The following TIAM1 variants were observed in gnomAD, a reference collection of about 807,000 sequenced individuals.
TIAM1 encodes the protein TIAM Rac1 associated GEF 1.
In TIAM1, 65 loss-of-function variants were observed where a neutral mutation model predicts 163.5. That is an observed-to-expected ratio of 0.40 (90% CI 0.33 to 0.49). TIAM1 has a LOEUF of 0.49. Ranked by LOEUF, TIAM1 falls within the 20% of genes least tolerant of loss-of-function variation. TIAM1 has a pLI of 0.77. For missense variants in TIAM1, 1,789 were observed against 2,044.7 expected, an observed-to-expected ratio of 0.87 and a Z score of 2.41; for synonymous variants, 833 against 810.1, an observed-to-expected ratio of 1.03 and a Z score of -0.48.
intron 2 of TIAM1, among the ~76,000 whole-genome samples, chr21:31,353,891 T>C (rs1377991929): frequency 7.9e-6 from 1 of 125,944 alleles, no homozygotes; most frequent in Non-Finnish European, 1.6e-5. Context: ...CAGGCTGGAG[T>C]GCAGTGGAGT....
intron 2 of TIAM1, among the ~76,000 whole-genome samples, chr21:31,305,255 T>C (rs1476625809): frequency 6.6e-6 from 1 of 152,210 alleles, no homozygotes; most frequent in African/African-American, 2.4e-5. Context: ...TTTTCACTGA[T>C]TACTTTCAAT....
intron 12 of TIAM1, among the ~76,000 whole-genome samples, chr21:31,198,247 T>C (rs1381980605): frequency 6.6e-6 from 1 of 152,194 alleles, no homozygotes; most frequent in African/African-American, 2.4e-5. Context: ...TCTCTTTATT[T>C]GCTTGGGGCA....
intron 15 of TIAM1, among the ~76,000 whole-genome samples, chr21:31,177,141 G>A (rs1057026787): frequency 6.6e-6 from 1 of 152,182 alleles, no homozygotes; most frequent in African/African-American, 2.4e-5. Context: ...CATTTATTGA[G>A]CGCTTACTGG....
chr21:31,252,738 C>T (rs2071881463), intron 4 of TIAM1, among the ~76,000 whole-genome samples: 1 of 152,206 alleles, frequency 6.6e-6, no homozygotes, highest in Admixed American at 6.5e-5. Context: ...AGTGCACCGC[C>T]TCACCCACTC....
intron 10 of TIAM1, chr21:31,213,081 G>A (rs2086971758): frequency 7.4e-6 from 2 of 271,728 alleles, no homozygotes; most frequent in Non-Finnish European, 1.4e-5. Context: ...GTTGTACATG[G>A]AAAGAAATTG....
rs549951464 is a variant in TIAM1 at position 31,120,469 on chromosome 21, G to A, written c.4675C>T (p.Leu1559=). ...TCCAGGCCTCCATTGATCCCCGACA[G>A]GGCAGCTTGCTTCTTGAGCTGTGCC... ...RMAQLKKQAA[L]SGINGGLESA... The change falls in exon 28 of 28, where the codon CTG becomes TTG. Residue 1559 remains leucine, a synonymous_variant. Transcript: ENST00000541036. This position sits in a 1 kb window ranked among gnomAD's most constrained non-coding sequence, Gnocchi z 4.2. 7.8e-5 allele frequency: 126 copies of A among 1,614,210 alleles called. No individual in the cohort carries two copies. The South Asian group carries it at 1.3e-3, about 17-fold the overall frequency.
intron 1 of TIAM1, among the ~76,000 whole-genome samples, chr21:31,533,236 G>A (rs577488399): frequency 8.5e-5 from 13 of 152,122 alleles, no homozygotes; most frequent in African/African-American, 2.9e-4. Flanking sequence ...CAGGAGAATC[G>A]CTTGAACATG....
chr21:31,307,017 C>T (rs912802000), intron 2 of TIAM1, among the ~76,000 whole-genome samples: 4 of 149,148 alleles, frequency 2.7e-5, no homozygotes, highest in South Asian at 2.1e-4. Flanking sequence ...TGCATTGCAT[C>T]GCCAACTTTT....
At chr21:31,175,622 G>A (rs1348490629) in intron 15 of TIAM1, among the ~76,000 whole-genome samples, 2 of 151,396 alleles carry the variant, frequency 1.3e-5, no homozygotes, top group Non-Finnish European at 2.9e-5. Flanking sequence ...TTTTTGAGAC[G>A]GAGTCTCCCT....
At chr21:31,265,449 A>G (rs542654523) in intron 4 of TIAM1, among the ~76,000 whole-genome samples, 4 of 151,988 alleles carry the variant, frequency 2.6e-5, no homozygotes, top group African/African-American at 2.4e-5. Flanking sequence ...CTCCCTCCAG[A>G]GACAGGGCTG....
chr21:31,363,226 T>C (rs188584961), intron 2 of TIAM1, among the ~76,000 whole-genome samples: 2 of 152,172 alleles, frequency 1.3e-5, no homozygotes, highest in Non-Finnish European at 2.9e-5. Flanking sequence ...AGAACTAATC[T>C]GATCCAGGGA....
chr21:31,470,286 T>A (rs2045694709), intron 1 of TIAM1, among the ~76,000 whole-genome samples: 1 of 151,952 alleles, frequency 6.6e-6, no homozygotes, highest in Admixed American at 6.6e-5. Context: ...ATTACAGGTG[T>A]GAGCTCCCAC....
At chr21:31,466,972 CAA>C (rs528948975) in intron 1 of TIAM1, among the ~76,000 whole-genome samples, 10 of 88,852 alleles carry the variant, frequency 1.1e-4, no homozygotes, top group Admixed American at 3.6e-4. Context: ...TAAAATAGGC[CAA>C]AAAAAAAAAA....
chr21:31,217,124 T>C (rs2087261269), intron 9 of TIAM1, among the ~76,000 whole-genome samples: 1 of 151,918 alleles, frequency 6.6e-6, no homozygotes, highest in African/African-American at 2.4e-5. Flanking sequence ...GAAGAATCAC[T>C]TGAATCAGGG....
intron 11 of TIAM1, among the ~76,000 whole-genome samples, chr21:31,204,641 G>C (rs1189657952): frequency 1.3e-5 from 2 of 152,162 alleles, no homozygotes; most frequent in Non-Finnish European, 2.9e-5. Context: ...TGAGAATACA[G>C]AAACTAATAC....
At chr21:31,283,869 G>T (rs1160102448) in intron 2 of TIAM1, among the ~76,000 whole-genome samples, 2 of 152,076 alleles carry the variant, frequency 1.3e-5, no homozygotes, top group African/African-American at 4.8e-5. Context: ...AAGCCGCAAA[G>T]CTACTGAACA....
At chr21:31,452,208 A>T (rs1398211929) in intron 2 of TIAM1, among the ~76,000 whole-genome samples, 1 of 152,196 alleles carries the variant, frequency 6.6e-6, no homozygotes, top group Non-Finnish European at 1.5e-5. Flanking sequence ...TGGGCCTTGA[A>T]AAAGCAAACT....
At chr21:31,164,331 A>G (rs1279769176) in intron 16 of TIAM1, among the ~76,000 whole-genome samples, 1 of 151,206 alleles carries the variant, frequency 6.6e-6, no homozygotes, top group African/African-American at 2.4e-5. Context: ...CGGAGCTTGC[A>G]GTGAGCCGAG....
rs573708532 is a variant in TIAM1 at position 31,482,961 on chromosome 21, G to A, written c.-421-18926C>T. Among the ~76,000 whole-genome samples the A allele has an allele frequency of 1.2e-4, 19 of 152,142 alleles. No individual in the cohort carries two copies. In the East Asian group the frequency reaches 2.5e-3, roughly 20 times the overall value. On this transcript the variant is annotated intron_variant, in intron 1 of 28. Coordinates refer to the TIAM1 transcript ENST00000286827. Reference sequence around the variant, plus strand: ...GTCACACTGGTAATGAAAGTGTTGCGCCCATTTTACAGATGAGGATACAGA... The same window carrying A: ...GTCACACTGGTAATGAAAGTGTTGCACCCATTTTACAGATGAGGATACAGA...
Sources: gnomAD v4.1 joint callset for allele counts (sites outside exome capture counted in the v4.1 genomes callset) on GRCh38, gnomAD v4.1.1 for gene constraint, Gnocchi (gnomAD v3.1) non-coding constraint, MANE v1.5 for transcripts, NCBI Gene and HGNC (gene_info 2026-07-23, HGNC 2026-07-21) for gene names.